The following SLC35F3 variants were observed in gnomAD, a reference collection of about 807,000 sequenced individuals.
SLC35F3 encodes putative thiamine transporter SLC35F3.
Under a neutral mutation model 49.9 loss-of-function variants are expected in SLC35F3, and 25 were observed. The ratio of observed to expected loss-of-function variants is 0.50; its 90% CI spans 0.37 to 0.70. SLC35F3 has a LOEUF of 0.70. SLC35F3 is among the 30% of genes least tolerant of loss of function. SLC35F3 has a pLI of 0.00. For missense variants in SLC35F3, 525 were observed against 639.8 expected, an observed-to-expected ratio of 0.82 and a Z score of 1.94; for synonymous variants, 275 against 265.4, an observed-to-expected ratio of 1.04 and a Z score of -0.35.
chr1:234,055,419 A>G (rs1246613701), intron 2 of SLC35F3, among the ~76,000 whole-genome samples: 2 of 152,340 alleles, frequency 1.3e-5, no homozygotes, highest in South Asian at 2.1e-4. Flanking sequence ...CTGTGCTAGC[A>G]GTGAGCAAGG....
At chr1:234,043,711 G>C (rs1664254333) in intron 2 of SLC35F3, among the ~76,000 whole-genome samples, 1 of 152,192 alleles carries the variant, frequency 6.6e-6, no homozygotes, top group African/African-American at 2.4e-5. Flanking sequence ...TATGACATCA[G>C]TAGATAAATA....
chr1:234,158,265 A>C (rs563230894), intron 2 of SLC35F3, among the ~76,000 whole-genome samples: 1 of 152,336 alleles, frequency 6.6e-6, no homozygotes, highest in African/African-American at 2.4e-5. Context: ...ATTACCTAAA[A>C]ATAGTTTTAA....
chr1:233,984,645 G>A (rs1431839225), intron 2 of SLC35F3, among the ~76,000 whole-genome samples: 1 of 152,192 alleles, frequency 6.6e-6, no homozygotes, highest in Non-Finnish European at 1.5e-5. Flanking sequence ...TTTGGGGTCA[G>A]TAGAAAAGAA....
At chr1:234,288,463 G>A (rs1170547357) in intron 3 of SLC35F3, among the ~76,000 whole-genome samples, 1 of 152,192 alleles carries the variant, frequency 6.6e-6, no homozygotes, top group Non-Finnish European at 1.5e-5. Flanking sequence ...TAGTCGCTGT[G>A]TCCACTGTGA....
intron 2 of SLC35F3, among the ~76,000 whole-genome samples, chr1:234,161,285 A>ATAGAAATGTGAAGTACCTTGCTCG (rs1158105946): frequency 6.6e-6 from 1 of 152,250 alleles, no homozygotes; most frequent in Non-Finnish European, 1.5e-5. Flanking sequence ...GGAAAGAAGC[A>ATAGAAATGTGAAGTACCTTGCTCG]TAGAAATGTG....
intron 3 of SLC35F3, among the ~76,000 whole-genome samples, chr1:234,267,247 G>C (rs1439812646): frequency 2.5e-5 from 3 of 122,162 alleles, no homozygotes; most frequent in Non-Finnish European, 3.3e-5. Context: ...TCTTAGTACA[G>C]AACAAAATGA....
intron 3 of SLC35F3, among the ~76,000 whole-genome samples, chr1:234,281,872 A>G (rs1668331678): frequency 2.0e-5 from 3 of 151,130 alleles, no homozygotes; most frequent in Non-Finnish European, 4.4e-5. Flanking sequence ...GACCCAACCA[A>G]CCACGCGCTC....
chr1:233,971,744 G>A (rs1187309735), intron 2 of SLC35F3, among the ~76,000 whole-genome samples: 1 of 151,546 alleles, frequency 6.6e-6, no homozygotes, highest in Non-Finnish European at 1.5e-5. Context: ...AGATACCCAG[G>A]CCTCCTCTGC....
In SLC35F3 at chr1:234,084,191, T is replaced by C. The variant is rs79495474; in HGVS notation, c.284-147226T>C. On this transcript the variant is annotated intron_variant, in intron 2 of 7. Transcript: ENST00000366618. ...CATTCTCATGAGGCATTTTCTCTAA[T>C]TGTTGGTCACTGTTGGTGATAAGGA... Among the ~76,000 whole-genome samples, 166 of 150,972 alleles carry C rather than the reference T, an allele frequency of 1.1e-3. 1 individual carries two copies. The East Asian group carries it at 0.03, about 27-fold the overall frequency.
At chr1:233,964,151 C>T (rs1298668400) in intron 2 of SLC35F3, among the ~76,000 whole-genome samples, 1 of 152,206 alleles carries the variant, frequency 6.6e-6, no homozygotes, top group Non-Finnish European at 1.5e-5. Context: ...AGCCTGTGAG[C>T]TCAGTGACTT....
At chr1:234,240,872 A>G (rs191358529) in intron 3 of SLC35F3, among the ~76,000 whole-genome samples, 9 of 152,286 alleles carry the variant, frequency 5.9e-5, no homozygotes, top group Non-Finnish European at 1.3e-4. Flanking sequence ...CTTGGCAGAG[A>G]TGAACTTTGA....
At chr1:233,953,044 A>G (rs1662632788) in intron 2 of SLC35F3, among the ~76,000 whole-genome samples, 1 of 152,180 alleles carries the variant, frequency 6.6e-6, no homozygotes. Flanking sequence ...GAATAGTGAG[A>G]CAATGTGAAA....
At chr1:233,978,363 A>G (rs971305789) in intron 2 of SLC35F3, among the ~76,000 whole-genome samples, 1 of 152,228 alleles carries the variant, frequency 6.6e-6, no homozygotes, top group Non-Finnish European at 1.5e-5. Flanking sequence ...TTATTTTACA[A>G]AGAAGACTTC....
intron 2 of SLC35F3, among the ~76,000 whole-genome samples, chr1:234,076,131 G>A (rs898598307): frequency 5.9e-5 from 9 of 152,116 alleles, no homozygotes; most frequent in African/African-American, 2.2e-4. Context: ...TATTGGAAAG[G>A]TAATAATGGC....
intron 2 of SLC35F3, among the ~76,000 whole-genome samples, chr1:234,151,989 C>CTT (rs5781777): frequency 4.7e-5 from 7 of 150,424 alleles, no homozygotes; most frequent in Non-Finnish European, 8.9e-5. Context: ...CCTTCTCTCC[C>CTT]TTTTTTTTTA....
rs141932186 is a variant in SLC35F3, at chr1:233,915,592, G to C, written c.283+9834G>C. On this transcript the variant is annotated intron_variant, in intron 2 of 7. Coordinates refer to ENST00000366618, the MANE Select transcript of SLC35F3 (RefSeq NM_173508.4). ...TGTTTCTAAAAGAAAAAAAGGAATA[G>C]AATGATGATGGCAGGTGTATTAGTC... Among the ~76,000 whole-genome samples, 222 of 152,260 alleles carry C rather than the reference G, an allele frequency of 1.5e-3. 2 individuals are homozygous for C. Among genetic ancestry groups the C allele is most frequent in the African/African-American group, 5.1e-3 (213 of 41,568 alleles).
At chr1:233,967,249 C>T (rs1400081622) in intron 2 of SLC35F3, among the ~76,000 whole-genome samples, 1 of 151,878 alleles carries the variant, frequency 6.6e-6, no homozygotes, top group African/African-American at 2.4e-5. Flanking sequence ...ATGCAAGCCC[C>T]CCCCACCCCA....
rs772458506 is a variant in SLC35F3 at position 234,323,026 on chromosome 1, G to A, written c.1256G>A (p.Ser419Asn). Residue 419 changes from serine (S) to asparagine (N), a missense_variant, in exon 8 of 8, where the codon AGT becomes AAT. Around this residue, in one of 4 missense-constraint regions of SLC35F3, gnomAD observed 76 missense variants for 95.6 expected, o/e 0.80. Coordinates refer to ENST00000366618, the MANE Select transcript of SLC35F3 (RefSeq NM_173508.4). The surrounding 1 kb of genome is among the most constrained non-coding windows in gnomAD (Gnocchi z 4.5). ...PVNAVIDHYT[S>N]QIVFNGVRVI... Reference sequence around the variant, plus strand: ...CCCACAGTGATTGATCACTACACCAGTCAGATCGTCTTCAATGGGGTCCGG... The same window carrying A: ...CCCACAGTGATTGATCACTACACCAATCAGATCGTCTTCAATGGGGTCCGG... The A allele has an allele frequency of 2.5e-6, 4 of 1,613,976 alleles. No individual in the cohort carries two copies. In the Admixed American group the frequency reaches 6.7e-5, roughly 27 times the overall value.
At chr1:234,007,648 A>G (rs1219578505) in intron 2 of SLC35F3, among the ~76,000 whole-genome samples, 2 of 152,240 alleles carry the variant, frequency 1.3e-5, no homozygotes, top group Admixed American at 1.3e-4. Context: ...GCTACCAACC[A>G]TAAAAGTCAC....
Sources: gnomAD v4.1 joint callset for allele counts (sites outside exome capture counted in the v4.1 genomes callset) on GRCh38, gnomAD v4.1.1 for gene constraint, gnomAD v4.1.1 regional missense constraint, Gnocchi (gnomAD v3.1) non-coding constraint, MANE v1.5 for transcripts, NCBI Gene and HGNC (gene_info 2026-07-23, HGNC 2026-07-21) for gene names.